Variants in ABHD5 observed in about 807,000 individuals in gnomAD.
ABHD5 encodes 1-acylglycerol-3-phosphate O-acyltransferase ABHD5.
A neutral mutation model predicts 44.9 loss-of-function variants in ABHD5; 30 were observed. That is an observed-to-expected ratio of 0.67 (90% confidence interval 0.50 to 0.91). The LOEUF (loss-of-function observed/expected upper bound fraction) is 0.91. Ranked by LOEUF, ABHD5 falls within the 40% of genes least tolerant of loss-of-function variation. ABHD5 has a pLI of 0.00. For missense variants in ABHD5, 399 were observed against 423.4 expected (o/e 0.94, Z 0.50); for synonymous variants, 167 against 147.0 (o/e 1.14, Z -0.99).
At chr3:43,730,714 C>T (rs1024442010) in intron 7 of ABHD5, among the ~76,000 whole-genome samples, 2 of 152,060 alleles carry the variant, frequency 1.3e-5, no homozygotes, top group African/African-American at 4.8e-5. Context: ...GCTATTTTAC[C>T]CAGGCTGGTC....
chr3:43,693,255 C>T (rs1320195620), intron 1 of ABHD5, among the ~76,000 whole-genome samples: 1 of 152,182 alleles, frequency 6.6e-6, no homozygotes, highest in Non-Finnish European at 1.5e-5. Flanking sequence ...GCTAAATTTT[C>T]AGGAATTTTG....
chr3:43,706,773 C>T (rs576552547), intron 3 of ABHD5, among the ~76,000 whole-genome samples: 1 of 152,206 alleles, frequency 6.6e-6, no homozygotes, highest in African/African-American at 2.4e-5. Flanking sequence ...TTCTTTGCTT[C>T]CTCAGGTGTT....
intron 1 of ABHD5, among the ~76,000 whole-genome samples, chr3:43,692,109 A>T (rs2149589081): frequency 6.6e-6 from 1 of 152,282 alleles, no homozygotes; most frequent in South Asian, 2.1e-4. Context: ...TATATATTTA[A>T]TTTTTTGACG....
intron 7 of ABHD5, among the ~76,000 whole-genome samples, chr3:43,733,042 GGAGAGTCTAACAA>G (rs1350611043): frequency 6.6e-6 from 1 of 152,188 alleles, no homozygotes; most frequent in East Asian, 1.9e-4. Context: ...AGAAGGCAGT[GGAGAGTCTAACAA>G]GACAGCAGTT....
chr3:43,723,798 C>T (rs538412301), downstream of ABHD5, among the ~76,000 whole-genome samples: 12 of 152,196 alleles, frequency 7.9e-5, no homozygotes, highest in African/African-American at 2.9e-4. Context: ...CTTAAAGGAC[C>T]TTGTTTGGAT....
intron 1 of ABHD5, among the ~76,000 whole-genome samples, 196 bp from the exon 2 acceptor site, chr3:43,699,080 A>G (rs995187916): frequency 6.6e-6 from 1 of 152,248 alleles, no homozygotes. Flanking sequence ...TTGTAAGTAC[A>G]CAGGCTGAAG....
At chr3:43,704,541 C>G (rs2084591268) in intron 3 of ABHD5, among the ~76,000 whole-genome samples, 1 of 152,190 alleles carries the variant, frequency 6.6e-6, no homozygotes. Context: ...TGACATGGAA[C>G]TCTGCAGGCT....
At chr3:43,725,984 G>A (rs941465241), downstream of ABHD5, among the ~76,000 whole-genome samples, 1 of 151,956 alleles carries the variant, frequency 6.6e-6, no homozygotes, top group Non-Finnish European at 1.5e-5. Context: ...TCCTGCCTCA[G>A]CCTCCCAAGT....
chr3:43,698,770 G>T (rs1260643572), intron 1 of ABHD5, among the ~76,000 whole-genome samples: 1 of 152,190 alleles, frequency 6.6e-6, no homozygotes, highest in Non-Finnish European at 1.5e-5. Flanking sequence ...TTAGGGGTAT[G>T]TTACTACTCA....
At chr3:43,725,023 G>A (rs1182581437), downstream of ABHD5, among the ~76,000 whole-genome samples, 1 of 152,228 alleles carries the variant, frequency 6.6e-6, no homozygotes, top group Non-Finnish European at 1.5e-5. Flanking sequence ...TGTTGTCTGT[G>A]TGTGGATGTG....
chr3:43,727,754 A>C (rs1236451523), intron 7 of ABHD5, among the ~76,000 whole-genome samples: 1 of 152,160 alleles, frequency 6.6e-6, no homozygotes, highest in Non-Finnish European at 1.5e-5. Flanking sequence ...GGCTATAGGC[A>C]TGCGCCACCA....
chr3:43,728,956 C>T (rs2149612424), intron 7 of ABHD5, among the ~76,000 whole-genome samples: 1 of 152,256 alleles, frequency 6.6e-6, no homozygotes, highest in Non-Finnish European at 1.5e-5. Context: ...ATTAGAATCC[C>T]ATGTAAAAGT....
downstream of ABHD5, among the ~76,000 whole-genome samples, chr3:43,723,207 C>T (rs2084855386): frequency 6.6e-6 from 1 of 152,146 alleles, no homozygotes; most frequent in African/African-American, 2.4e-5. Flanking sequence ...TTTAAAAACT[C>T]ATTGGTCACT....
chr3:43,711,631 T>G (rs2084689189), intron 3 of ABHD5, 78 bp from the exon 4 acceptor site: 1 of 1,547,466 alleles, frequency 6.5e-7, no homozygotes, highest in African/African-American at 1.4e-5. Flanking sequence ...CTACCTTTAT[T>G]TTATAAATCA....
In ABHD5 at chr3:43,730,091, A is replaced by G. The variant is rs114932742; in HGVS notation, c.*30-3789A>G. Among the ~76,000 whole-genome samples the G allele has an allele frequency of 2.6e-3, 398 of 152,372 alleles. 2 individuals are homozygous for G. The highest frequency in any genetic ancestry group is 9.3e-3 in the African/African-American group (388 of 41,596). Reference sequence around the variant, plus strand: ...ATGACATTTATGGAACACTTATTGCATGCTTTGAGCTTTGCAACAATCTTT... The same window carrying G: ...ATGACATTTATGGAACACTTATTGCGTGCTTTGAGCTTTGCAACAATCTTT... On this transcript the variant is annotated intron_variant, in intron 7 of 7. Transcript: ENST00000454293.
At chr3:43,714,799 T>TC (rs1276231961) in intron 4 of ABHD5, 148 bp from the exon 5 acceptor site, 3 of 561,884 alleles carry the variant, frequency 5.3e-6, no homozygotes, top group Non-Finnish European at 9.9e-6. Context: ...GTGTGCTTTT[T>TC]CCCACCTACA....
intron 1 of ABHD5, among the ~76,000 whole-genome samples, chr3:43,695,935 TAAA>T (rs1385774015): frequency 6.6e-6 from 1 of 152,246 alleles, no homozygotes. Context: ...GTCTGCTCAC[TAAA>T]AAGATTCTTA....
intron 1 of ABHD5, among the ~76,000 whole-genome samples, chr3:43,695,434 T>C (rs2084462026): frequency 6.6e-6 from 1 of 152,224 alleles, no homozygotes; most frequent in African/African-American, 2.4e-5. Flanking sequence ...AATAAGTTTA[T>C]GTGATTTTTC....
At chr3:43,717,528 C>CA in intron 5 of ABHD5, 143 bp from the exon 6 acceptor site, 1 of 838,556 alleles carries the variant, frequency 1.2e-6, no homozygotes, top group Non-Finnish European at 2.0e-6. Context: ...CTTACACTGT[C>CA]TCATAAATTA....
Sources: gnomAD v4.1 joint callset for allele counts (sites outside exome capture counted in the v4.1 genomes callset) on GRCh38, gnomAD v4.1.1 for gene constraint, MANE v1.5 for transcripts, NCBI Gene and HGNC (gene_info 2026-07-23, HGNC 2026-07-21) for gene names.